Variants in ATXN1 observed in about 807,000 individuals in gnomAD.
ATXN1 encodes the protein ataxin-1.
ATXN1 carries 8 observed loss-of-function variants against 56.4 expected under a neutral mutation model. The observed-to-expected ratio is 0.14, with a 90% confidence interval of 0.08 to 0.26. The LOEUF is 0.26. Among genes scored for constraint, ATXN1 ranks in the 10% least tolerant of loss-of-function variants. ATXN1 has a pLI of 1.00. For missense variants in ATXN1, 987 were observed against 1,106.5 expected, an observed-to-expected ratio of 0.89 and a Z score of 1.53; for synonymous variants, 514 against 494.6, an observed-to-expected ratio of 1.04 and a Z score of -0.52.
intron 2 of ATXN1, among the ~76,000 whole-genome samples, chr6:16,664,427 G>A (rs367699393): frequency 5.7e-4 from 86 of 152,030 alleles, no homozygotes; most frequent in African/African-American, 1.9e-3. Flanking sequence ...TATACCAGCC[G>A]GTACGTTCCA....
intron 6 of ATXN1, among the ~76,000 whole-genome samples, chr6:16,414,763 C>T (rs532814979): frequency 7.2e-4 from 109 of 152,318 alleles, no homozygotes; most frequent in African/African-American, 2.5e-3. Context: ...AAAATATACA[C>T]AATTTGTAGC....
intron 5 of ATXN1, among the ~76,000 whole-genome samples, chr6:16,509,185 G>C (rs1761033914): frequency 6.6e-6 from 1 of 152,122 alleles, no homozygotes; most frequent in Non-Finnish European, 1.5e-5. Flanking sequence ...TGCACAACGA[G>C]AATATACTGG....
At chr6:16,718,787 A>G (rs1280235551) in intron 2 of ATXN1, among the ~76,000 whole-genome samples, 1 of 152,260 alleles carries the variant, frequency 6.6e-6, no homozygotes, top group South Asian at 2.1e-4. Flanking sequence ...AGCTAGCTTC[A>G]TACAAAGCTG....
intron 6 of ATXN1, among the ~76,000 whole-genome samples, chr6:16,381,269 G>C (rs1278190577): frequency 6.6e-6 from 1 of 151,992 alleles, no homozygotes; most frequent in Non-Finnish European, 1.5e-5. Flanking sequence ...CTGGGTGACA[G>C]AGCAAGACTC....
At chr6:16,730,490 T>TATATATATATATATATATATATATAG in intron 2 of ATXN1, among the ~76,000 whole-genome samples, 1 of 144,950 alleles carries the variant, frequency 6.9e-6, no homozygotes, top group Non-Finnish European at 1.5e-5. Flanking sequence ...ACAGTATGTA[T>TATATATATATATATATATATATATAG]ATATATATAT....
chr6:16,623,967 T>C (rs1360067600), intron 3 of ATXN1, among the ~76,000 whole-genome samples: 1 of 152,170 alleles, frequency 6.6e-6, no homozygotes, highest in Admixed American at 6.5e-5. Flanking sequence ...GACATTGTCA[T>C]AGAAATGGAA....
intron 6 of ATXN1, among the ~76,000 whole-genome samples, chr6:16,442,650 C>T (rs1413152021): frequency 6.6e-6 from 1 of 151,998 alleles, no homozygotes; most frequent in East Asian, 1.9e-4. Flanking sequence ...AGTTGGAAAC[C>T]AATAAACAAC....
intron 4 of ATXN1, among the ~76,000 whole-genome samples, chr6:16,541,404 G>C (rs368297585): frequency 1.3e-5 from 2 of 152,172 alleles, no homozygotes; most frequent in Admixed American, 6.5e-5. Context: ...CAGCTTGAGC[G>C]TCTCTTTCTG....
At chr6:16,593,567 C>T (rs1462999283) in intron 3 of ATXN1, among the ~76,000 whole-genome samples, 1 of 152,068 alleles carries the variant, frequency 6.6e-6, no homozygotes, top group African/African-American at 2.4e-5. Context: ...TTGCTATTTC[C>T]CTAAGCCATC....
chr6:16,318,659 C>T (rs931481751), intron 7 of ATXN1, among the ~76,000 whole-genome samples: 2 of 152,204 alleles, frequency 1.3e-5, no homozygotes, highest in Admixed American at 1.3e-4. Context: ...TGACTCAGTC[C>T]TTGGTGGAAG....
At chr6:16,712,485 T>C (rs569058233) in intron 2 of ATXN1, among the ~76,000 whole-genome samples, 4 of 152,154 alleles carry the variant, frequency 2.6e-5, no homozygotes, top group Non-Finnish European at 5.9e-5. Flanking sequence ...GGGGAAGGTA[T>C]ACACCAAACA....
chr6:16,440,649 A>AAAAAAAAAAAAAG lies in ATXN1; in HGVS notation c.-161+45322_-161+45323insCTTTTTTTTTTTT, dbSNP rs56105499. Among the ~76,000 whole-genome samples, 117 of 113,692 alleles carry AAAAAAAAAAAAAG rather than the reference A, an allele frequency of 1.0e-3. 5 individuals are homozygous for AAAAAAAAAAAAAG. Among genetic ancestry groups the AAAAAAAAAAAAAG allele is most frequent in the African/African-American group, 4.0e-3 (108 of 27,248 alleles). 74.6% of individuals were successfully genotyped at this position (113,692 alleles called of 152,430 possible). A position where few individuals can be genotyped will look rare whatever the true frequency, so the allele number is the denominator to read the frequency against. On this transcript the variant is annotated intron_variant, in intron 6 of 7. Coordinates refer to ENST00000436367, the MANE Select transcript of ATXN1 (RefSeq NM_001128164.2). ...GAGTGAGACCCTGTCTTAAAAAAAAAAAAGAAAAGAAAAGAAAAAATTAAA... is the reference window on the plus strand; with the variant it reads ...GAGTGAGACCCTGTCTTAAAAAAAAAAAAAAAAAAAAAGAAAGAAAAGAAAAGAAAAAATTAAA...
chr6:16,574,228 C>A (rs1006901840), intron 4 of ATXN1, among the ~76,000 whole-genome samples: 3 of 151,800 alleles, frequency 2.0e-5, no homozygotes, highest in Admixed American at 2.0e-4. Flanking sequence ...TTATTTGAGA[C>A]GGAGTCTCGC....
chr6:16,727,186 G>A (rs1438213059), intron 2 of ATXN1, among the ~76,000 whole-genome samples: 1 of 152,088 alleles, frequency 6.6e-6, no homozygotes, highest in Non-Finnish European at 1.5e-5. Flanking sequence ...AAATTAAGAT[G>A]ATTAAAGTTC....
chr6:16,612,780 A>G (rs1419665517), intron 3 of ATXN1, among the ~76,000 whole-genome samples: 2 of 151,792 alleles, frequency 1.3e-5, no homozygotes, highest in African/African-American at 4.8e-5. Context: ...AGTCCCAGCT[A>G]CTTGGGAGGC....
intron 6 of ATXN1, among the ~76,000 whole-genome samples, chr6:16,335,436 G>A (rs564358263): frequency 8.5e-5 from 13 of 152,328 alleles, no homozygotes; most frequent in South Asian, 4.1e-4. Flanking sequence ...GCACCCCTGG[G>A]ACATGGGATC....
intron 6 of ATXN1, among the ~76,000 whole-genome samples, chr6:16,391,035 G>A (rs1294466649): frequency 2.0e-5 from 3 of 151,794 alleles, no homozygotes; most frequent in Admixed American, 6.6e-5. Context: ...AGGAGCACAC[G>A]TCTGTAATCC....
intron 2 of ATXN1, among the ~76,000 whole-genome samples, chr6:16,752,462 G>A (rs1760753064): frequency 6.6e-6 from 1 of 152,070 alleles, no homozygotes; most frequent in Non-Finnish European, 1.5e-5. Context: ...AGCCAGGCTT[G>A]GGAACCTCTA....
intron 6 of ATXN1, among the ~76,000 whole-genome samples, chr6:16,458,026 C>T (rs886595431): frequency 2.6e-5 from 4 of 152,204 alleles, no homozygotes; most frequent in South Asian, 2.1e-4. Context: ...GGCAAACCTT[C>T]GACCTCACTT....
Sources: allele counts gnomAD v4.1 joint callset (sites outside exome capture counted in the v4.1 genomes callset), GRCh38; gene constraint gnomAD v4.1.1; transcripts MANE v1.5; gene names NCBI Gene and HGNC (gene_info 2026-07-23, HGNC 2026-07-21).